RHEB: variants seen among roughly 807,000 people sequenced by gnomAD.
RHEB encodes Ras homolog, mTORC1 binding.
Under a neutral mutation model 28.8 loss-of-function variants are expected in RHEB, and 2 were observed. The ratio of observed to expected loss-of-function variants is 0.07; its 90% CI spans 0.03 to 0.22. RHEB has a LOEUF of 0.22. Among genes scored for constraint, RHEB ranks in the 10% least tolerant of loss-of-function variants. RHEB has a pLI of 1.00. For synonymous variants in RHEB, 69 were observed against 77.3 expected, an observed-to-expected ratio of 0.89 and a Z score of 0.56; for missense variants, 76 against 219.9, an observed-to-expected ratio of 0.35 and a Z score of 4.14.
chr7:151,515,705 A>C (rs919138275), intron 1 of RHEB, among the ~76,000 whole-genome samples: 2 of 152,254 alleles, frequency 1.3e-5, no homozygotes, highest in African/African-American at 4.8e-5. Flanking sequence ...TTAAAAAATA[A>C]ACAGTAAGTC....
At chr7:151,490,133 C>T (rs1802552925) in intron 2 of RHEB, among the ~76,000 whole-genome samples, 1 of 152,104 alleles carries the variant, frequency 6.6e-6, no homozygotes, top group African/African-American at 2.4e-5. Context: ...CTTGGCGATC[C>T]CTAGAATCAA....
At position 151,489,013 on chromosome 7, in the gene RHEB, T is replaced by C. The variant is rs370406913; in HGVS notation, c.124+1930A>G. Among the ~76,000 whole-genome samples the C allele has an allele frequency of 1.7e-4, 26 of 152,306 alleles. No homozygotes were observed. The South Asian group carries it at 5.2e-3, about 30-fold the overall frequency. ...TGGAGTACAGTGACATGATTACAGA[T>C]CACTGCAGCCTCAAACTCCTGGGTT... is the stretch of plus-strand genomic sequence containing the variant. On this transcript the variant is annotated intron_variant, in intron 2 of 7. Transcript: ENST00000262187.
intron 1 of RHEB, among the ~76,000 whole-genome samples, chr7:151,499,313 G>A (rs557088986): frequency 6.6e-6 from 1 of 152,112 alleles, no homozygotes; most frequent in Non-Finnish European, 1.5e-5. Flanking sequence ...AGCCAAGATC[G>A]TGCCACTGCA....
intron 1 of RHEB, among the ~76,000 whole-genome samples, chr7:151,516,395 C>G (rs545752555): frequency 2.8e-4 from 43 of 152,002 alleles, no homozygotes; most frequent in African/African-American, 9.4e-4. Flanking sequence ...GAGGCCGAGG[C>G]AGGTGGATCA....
intron 1 of RHEB, among the ~76,000 whole-genome samples, chr7:151,503,775 A>AT (rs1563099843): frequency 5.6e-4 from 71 of 127,784 alleles, no homozygotes; most frequent in South Asian, 2.1e-3. Context: ...AAAAAAAAAA[A>AT]ATTTTTTTAA....
chr7:151,501,234 A>G (rs1802767098), intron 1 of RHEB, among the ~76,000 whole-genome samples: 1 of 152,246 alleles, frequency 6.6e-6, no homozygotes, highest in African/African-American at 2.4e-5. Flanking sequence ...CCATATCCAG[A>G]ATATGTTTCA....
chr7:151,498,014 C>T, intron 1 of RHEB: 1 of 817,260 alleles, frequency 1.2e-6, no homozygotes, highest in Non-Finnish European at 1.8e-6. Context: ...TAGTTGGGTG[C>T]CACACACTTG....
At position 151,471,375 on chromosome 7, in the gene RHEB, CTT is replaced by C; in HGVS notation, c.380+17_380+18del. The C allele has an allele frequency of 6.8e-7, 1 of 1,462,968 alleles. No homozygotes were observed. Among genetic ancestry groups the C allele is most frequent in the Non-Finnish European group, 9.5e-7 (1 of 1,051,688 alleles). 90.6% of individuals were successfully genotyped at this position (1,462,968 alleles called of 1,614,324 possible). ...AGTGACTAAATCATCTTAGATTTGACTTTATAAAAGCTACATACCTTTCCATA... is the reference window on the plus strand; with the variant it reads ...AGTGACTAAATCATCTTAGATTTGACTATAAAAGCTACATACCTTTCCATA... On this transcript the variant is annotated intron_variant, in intron 6 of 7. Transcript: ENST00000262187.
chr7:151,488,769 T>A lies in RHEB; in HGVS notation c.124+2174A>T, dbSNP rs540126884. 8.2e-4 allele frequency among the ~76,000 whole-genome samples: 125 copies of A among 152,266 alleles called. 2 individuals are homozygous for A. The highest frequency in any genetic ancestry group is 4.5e-3 in the Admixed American group (69 of 15,294). On this transcript the variant is annotated intron_variant, in intron 2 of 7. Coordinates refer to ENST00000262187, the MANE Select transcript of RHEB (RefSeq NM_005614.4). Reference sequence around the variant, plus strand: ...TATTGAACTGTAAGATGAGAAAAAATTTAAAATATGACCAAAGATGATGTT... The same window carrying A: ...TATTGAACTGTAAGATGAGAAAAAAATTAAAATATGACCAAAGATGATGTT...
At chr7:151,492,875 G>A (rs1252258223) in intron 1 of RHEB, among the ~76,000 whole-genome samples, 1 of 124,218 alleles carries the variant, frequency 8.1e-6, no homozygotes, top group African/African-American at 3.0e-5. Context: ...GTCTTGCTGT[G>A]TCACCCAGGC....
At chr7:151,502,734 T>C in intron 1 of RHEB, 1 of 1,582,054 alleles carries the variant, frequency 6.3e-7, no homozygotes, top group South Asian at 1.1e-5. Flanking sequence ...GTAGAGGCGT[T>C]TTGCCCGTTT....
At chr7:151,501,961 G>C (rs973338312) in intron 1 of RHEB, 6 of 655,100 alleles carry the variant, frequency 9.2e-6, no homozygotes, top group African/African-American at 7.2e-5. Context: ...AGGCGGGCTG[G>C]GCGCCGTGGC....
intron 7 of RHEB, chr7:151,470,369 C>G: frequency 5.0e-6 from 2 of 400,456 alleles, no homozygotes; most frequent in Non-Finnish European, 4.6e-6. Flanking sequence ...TCCTAGGTTC[C>G]ACTGTAAGTA....
intron 1 of RHEB, among the ~76,000 whole-genome samples, chr7:151,506,108 G>T (rs184690858): frequency 6.6e-6 from 1 of 151,804 alleles, no homozygotes; most frequent in East Asian, 1.9e-4. Context: ...ACTTAAAATG[G>T]ATACTTTATT....
At chr7:151,508,199 G>C (rs1802921531) in intron 1 of RHEB, among the ~76,000 whole-genome samples, 1 of 152,162 alleles carries the variant, frequency 6.6e-6, no homozygotes, top group Admixed American at 6.5e-5. Context: ...ACATATTAAA[G>C]AACATGAAAT....
At chr7:151,482,931 CTG>C (rs774104889) in intron 3 of RHEB, among the ~76,000 whole-genome samples, 16 of 152,188 alleles carry the variant, frequency 1.1e-4, no homozygotes, top group Non-Finnish European at 2.1e-4. Flanking sequence ...GAGACTTCTA[CTG>C]CTCCCCTGGT....
At chr7:151,510,392 A>G (rs936616250) in intron 1 of RHEB, among the ~76,000 whole-genome samples, 1 of 152,252 alleles carries the variant, frequency 6.6e-6, no homozygotes, top group African/African-American at 2.4e-5. Flanking sequence ...CAAGTCACAT[A>G]AACTTTTTGT....
At chr7:151,470,675 G>C in intron 6 of RHEB, 23 bp from the exon 7 acceptor site, 1 of 1,503,030 alleles carries the variant, frequency 6.7e-7, no homozygotes, top group African/African-American at 1.4e-5. Flanking sequence ...TAAAATTCTA[G>C]TTAAAGTACT....
At chr7:151,497,040 A>G (rs1802686752) in intron 1 of RHEB, among the ~76,000 whole-genome samples, 1 of 149,872 alleles carries the variant, frequency 6.7e-6, no homozygotes, top group Non-Finnish European at 1.5e-5. Flanking sequence ...TGCCTGCCTC[A>G]GCCTCCCAAA....
Sources: allele counts gnomAD v4.1 joint callset (sites outside exome capture counted in the v4.1 genomes callset), GRCh38; gene constraint gnomAD v4.1.1; transcripts MANE v1.5; gene names NCBI Gene and HGNC (gene_info 2026-07-23, HGNC 2026-07-21).